Variants in INSRR observed in about 807,000 individuals in gnomAD.
The protein encoded by INSRR is insulin receptor related receptor, also known as insulin receptor-related protein.
In INSRR, 114 loss-of-function variants were observed where a neutral mutation model predicts 130.0. The ratio of observed to expected loss-of-function variants is 0.88; its 90% CI spans 0.75 to 1.02. INSRR has a LOEUF of 1.02. Ranked by LOEUF, INSRR falls within the 50% of genes least tolerant of loss-of-function variation. INSRR has a pLI of 0.00. For missense variants in INSRR, 1,657 were observed against 1,735.2 expected, an observed-to-expected ratio of 0.95 and a Z score of 0.80; for synonymous variants, 674 against 705.2, an observed-to-expected ratio of 0.96 and a Z score of 0.70.
At chr1:156,847,628 C>G (rs1361723052) in intron 7 of INSRR, among the ~76,000 whole-genome samples, 6 of 150,948 alleles carry the variant, frequency 4.0e-5, no homozygotes, top group Non-Finnish European at 8.8e-5. Flanking sequence ...AAGTGCCTGC[C>G]TTTGTTGGGA....
At position 156,858,691 on chromosome 1, in the gene INSRR, G is replaced by A. The variant is rs1194812833; in HGVS notation, c.-70C>T. 4.5e-6 allele frequency: 6 copies of A among 1,319,696 alleles called. No individual in the cohort carries two copies. The African/African-American group carries it at 7.2e-5, about 16-fold the overall frequency. 81.7% of individuals were successfully genotyped at this position (1,319,696 alleles called of 1,614,324 possible). ...GACTCTGGGGAGAACGGTGTGATAA[G>A]CCCTAAGGGACACAGAGACCAGGGT... is the stretch of plus-strand genomic sequence containing the variant. On this transcript the variant is annotated 5_prime_UTR_variant, in exon 1 of 22. Coordinates refer to ENST00000368195, the MANE Select transcript of INSRR (RefSeq NM_014215.3).
intron 4 of INSRR, 87 bp from the exon 5 acceptor site, chr1:156,851,521 G>A: frequency 6.3e-7 from 1 of 1,598,132 alleles, no homozygotes; most frequent in Non-Finnish European, 8.6e-7. Context: ...CCCCGGGAAG[G>A]TGGGCCCTCA....
In INSRR at chr1:156,852,004, G is replaced by A. The variant is rs1332777438; in HGVS notation, c.825C>T (p.Val275=). The A allele has an allele frequency of 6.2e-7, 1 of 1,612,976 alleles. No homozygotes were observed. Among genetic ancestry groups the A allele is most frequent in the South Asian group, 1.1e-5 (1 of 91,044 alleles). Residue 275 remains valine (V), a synonymous_variant, in exon 3 of 22, where the codon GTC becomes GTT. Transcript: ENST00000368195. The part of the protein sequence containing the change: ...GTYQYESWRC[V]TAERCASLHS... ...GCAGGCTGGCACAGCGCTCAGCTGT[G>A]ACACAGCGCCAGGACTCATACTGGT...
At chr1:156,841,620 C>A (rs752751634) in intron 20 of INSRR, 45 bp downstream of exon 20, 4 of 1,609,622 alleles carry the variant, frequency 2.5e-6, no homozygotes, top group Non-Finnish European at 3.4e-6. Flanking sequence ...CTCCCCAGAT[C>A]CCGCCTCCAC....
intron 10 of INSRR, 86 bp downstream of exon 10, chr1:156,845,533 A>AAACCCCCCCCCCCC: frequency 1.4e-6 from 1 of 727,994 alleles, no homozygotes; most frequent in Non-Finnish European, 1.9e-6. Context: ...GCAAGGCCCC[A>AAACCCCCCCCCCCC]CCCACAAACC....
chr1:156,858,663 G>C lies in INSRR; in HGVS notation c.-42C>G. 3 of 1,541,334 alleles carry C rather than the reference G, an allele frequency of 1.9e-6. No individual in the cohort carries two copies. The highest frequency in any genetic ancestry group is 2.7e-6 in the Non-Finnish European group (3 of 1,113,810). ...TGTGTCCAGTCCCGGCTCTCCTCCC[G>C]GTGACTCTGGGGAGAACGGTGTGAT... is the stretch of plus-strand genomic sequence containing the variant. On this transcript the variant is annotated 5_prime_UTR_variant, in exon 1 of 22. Coordinates refer to ENST00000368195, the MANE Select transcript of INSRR (RefSeq NM_014215.3).
chr1:156,842,343 C>T, intron 18 of INSRR, 55 bp downstream of exon 18: 1 of 1,612,768 alleles, frequency 6.2e-7, no homozygotes, highest in Non-Finnish European at 8.5e-7. Flanking sequence ...TGGCCCCCAC[C>T]TCCCACACTG....
At chr1:156,851,252 G>A (rs781166702) in intron 5 of INSRR, 38 bp downstream of exon 5, 16 of 1,612,102 alleles carry the variant, frequency 9.9e-6, no homozygotes, top group Middle Eastern at 1.7e-4. Context: ...GGAGGAAGGA[G>A]TGTAATAGAA....
Position 156,858,748 on chromosome 1 carries a change from G to T in INSRR, c.-127C>A. On this transcript the variant is annotated 5_prime_UTR_variant, in exon 1 of 22. Coordinates refer to ENST00000368195, the MANE Select transcript of INSRR (RefSeq NM_014215.3). ...AGGAGAGGGAGGGCAGGGGCAGAGAGACAAGGAATCCCACACAGAGACAGC... is the reference window on the plus strand; with the variant it reads ...AGGAGAGGGAGGGCAGGGGCAGAGATACAAGGAATCCCACACAGAGACAGC... 1.3e-6 allele frequency: 1 copy of T among 747,826 alleles called. No homozygotes were observed. Among genetic ancestry groups the T allele is most frequent in the South Asian group, 1.5e-5 (1 of 67,556 alleles). 46.3% of individuals were successfully genotyped at this position (747,826 alleles called of 1,614,324 possible). A position where few individuals can be genotyped will look rare whatever the true frequency, so the allele number is the denominator to read the frequency against.
rs768088608 is a variant in INSRR at position 156,840,891 on chromosome 1, A to C, written c.3876T>G (p.Asn1292Lys). Residue 1292 changes from asparagine (N) to lysine (K), a missense_variant, in exon 22 of 22, where the codon AAT becomes AAG. By Grantham distance (94) the Asn-to-Lys change is moderately conservative. Coordinates refer to ENST00000368195, the MANE Select transcript of INSRR (RefSeq NM_014215.3). ...SPTPRDCSPQ[N>K]GGPGH Reference sequence around the variant, plus strand: ...GTGCCCCTCAGTGCCCTGGACCCCCATTTTGAGGGCTGCAGTCTCTTGGAG... The same window carrying C: ...GTGCCCCTCAGTGCCCTGGACCCCCCTTTTGAGGGCTGCAGTCTCTTGGAG... The C allele has an allele frequency of 5.6e-6, 9 of 1,613,446 alleles. No homozygotes were observed. Among genetic ancestry groups the C allele is most frequent in the Non-Finnish European group, 7.6e-6 (9 of 1,179,708 alleles).
chr1:156,849,465 G>A lies in INSRR; in HGVS notation c.1230-5C>T. On this transcript the variant is annotated splice_region_variant and splice_polypyrimidine_tract_variant and intron_variant, in intron 5 of 21. Coordinates refer to ENST00000368195, the MANE Select transcript of INSRR (RefSeq NM_014215.3). ...AGCACGTAGAGAGTGTAGTTCCTGG[G>A]GGAGGCCAGGGGACCTTGCTCTGCG... The A allele has an allele frequency of 6.2e-7, 1 of 1,601,930 alleles. No individual in the cohort carries two copies. The highest frequency in any genetic ancestry group is 8.5e-7 in the Non-Finnish European group (1 of 1,170,244).
chr1:156,849,444 C>A lies in INSRR; in HGVS notation c.1246G>T (p.Val416Leu). 1 of 1,430,144 alleles carries A rather than the reference C, an allele frequency of 7.0e-7. No individual in the cohort carries two copies. The highest frequency in any genetic ancestry group is 1.1e-5 in the South Asian group (1 of 88,930). The allele number at this position is 1,430,144 out of a possible 1,614,324, so 88.6% of individuals were successfully genotyped here. ...AMVDGNYTLY[V>L]LDNQNLQQLG... ...TGTTGTAGGTTCTGGTTGTCCAGCA[C>A]GTAGAGAGTGTAGTTCCTGGGGGAG... The change falls in exon 6 of 22, where the codon GTG (valine) becomes TTG (leucine). Residue 416 changes from valine to leucine, a missense_variant. Val to Leu is a conservative substitution (Grantham distance 32, BLOSUM62 1). Transcript: ENST00000368195.
At position 156,840,703 on chromosome 1, in the gene INSRR, G is replaced by GA. The variant is rs1654740845; in HGVS notation, c.*169dup. 1 of 629,864 alleles carries GA rather than the reference G, an allele frequency of 1.6e-6. No homozygotes were observed. Among genetic ancestry groups the GA allele is most frequent in the Non-Finnish European group, 2.8e-6 (1 of 352,658 alleles). The allele number at this position is 629,864 out of a possible 1,614,324, so 39.0% of individuals were successfully genotyped here. A position where few individuals can be genotyped will look rare whatever the true frequency, so the allele number is the denominator to read the frequency against. ...TCAGAGTCTGAGAAACTCCTATGGT[G>GA]AGACCCCTCTGCCCACCCCCACAGC... On this transcript the variant is annotated 3_prime_UTR_variant, in exon 22 of 22. Transcript: ENST00000368195.
Position 156,840,962 on chromosome 1 carries a change from G to T in INSRR, c.3805C>A (p.Arg1269=). The change falls in exon 22 of 22, where the codon CGG becomes AGG. Residue 1269 remains arginine (R), a synonymous_variant. Transcript: ENST00000368195. The part of the protein sequence containing the change: ...FYYSPECRGA[R]GSLPTTDAEP... ...GCATCGGTGGTAGGCAGGGAGCCCCGGGCCCCCCGGCATTCCGGGCTGTAG... is the reference window on the plus strand; with the variant it reads ...GCATCGGTGGTAGGCAGGGAGCCCCTGGCCCCCCGGCATTCCGGGCTGTAG... 6.2e-7 allele frequency: 1 copy of T among 1,613,870 alleles called. No homozygotes were observed. Among genetic ancestry groups the T allele is most frequent in the Non-Finnish European group, 8.5e-7 (1 of 1,179,920 alleles).
intron 5 of INSRR, among the ~76,000 whole-genome samples, 172 bp from the exon 6 acceptor site, chr1:156,849,632 A>G (rs981518297): frequency 3.3e-5 from 5 of 152,136 alleles, no homozygotes; most frequent in Non-Finnish European, 7.3e-5. Flanking sequence ...ACTCTGTGCC[A>G]CTGACCAGGA....
rs74118781 is a variant in INSRR at position 156,856,556 on chromosome 1, A to G, written c.85+1981T>C. Among the ~76,000 whole-genome samples, 886 of 152,092 alleles carry G rather than the reference A, an allele frequency of 5.8e-3. 9 individuals are homozygous for G. The highest frequency in any genetic ancestry group is 0.021 in the African/African-American group (857 of 41,466). On this transcript the variant is annotated intron_variant, in intron 1 of 21. Coordinates refer to ENST00000368195, the MANE Select transcript of INSRR (RefSeq NM_014215.3). ...TCTCGGGTCAGACCTTTCTTCCCTG[A>G]CCCTCTGGCCTGGAGTTAATCACTT...
chr1:156,855,466 A>T (rs1655376546), intron 1 of INSRR, among the ~76,000 whole-genome samples: 1 of 152,166 alleles, frequency 6.6e-6, no homozygotes, highest in African/African-American at 2.4e-5. Flanking sequence ...TGGCCTCCCA[A>T]AGTGCTGGGA....
In INSRR at chr1:156,840,440, CT is replaced by C. The variant is rs1654728107; in HGVS notation, c.*432del. On this transcript the variant is annotated 3_prime_UTR_variant, in exon 22 of 22. Coordinates refer to ENST00000368195, the MANE Select transcript of INSRR (RefSeq NM_014215.3). ...GGCAGTCATGTGGAGCCCCACCCCC[CT>C]CCCATACATGCATGGAGAGCGCCCC... 7.0e-6 allele frequency: 1 copy of C among 142,764 alleles called. No individual in the cohort carries two copies. The highest frequency in any genetic ancestry group is 6.8e-5 in the Admixed American group (1 of 14,772). 8.8% of individuals were successfully genotyped at this position (142,764 alleles called of 1,614,324 possible).
chr1:156,842,878 A>T, intron 17 of INSRR, 126 bp downstream of exon 17: 1 of 742,502 alleles, frequency 1.3e-6, no homozygotes, highest in Non-Finnish European at 2.2e-6. Flanking sequence ...TACCCCAATT[A>T]GGATCCTAAC....
Sources: gnomAD v4.1 joint callset for allele counts (sites outside exome capture counted in the v4.1 genomes callset) on GRCh38, gnomAD v4.1.1 for gene constraint, MANE v1.5 for transcripts, NCBI Gene and HGNC (gene_info 2026-07-23, HGNC 2026-07-21) for gene names.